CCDC42: variants seen among roughly 807,000 people sequenced by gnomAD.
The protein encoded by CCDC42 is coiled-coil domain containing 42.
A neutral mutation model predicts 40.8 loss-of-function variants in CCDC42; 38 were observed. The ratio of observed to expected loss-of-function variants is 0.93; its 90% CI spans 0.72 to 1.22. CCDC42 has a LOEUF of 1.22. Ranked by LOEUF, CCDC42 falls within the 50% of genes most tolerant of loss-of-function variation. The pLI, the probability that CCDC42 is intolerant of heterozygous loss-of-function variation, is 0.00. For missense variants in CCDC42, 379 were observed against 416.5 expected, an observed-to-expected ratio of 0.91 and a Z score of 0.78; for synonymous variants, 135 against 157.5, an observed-to-expected ratio of 0.86 and a Z score of 1.07.
intron 6 of CCDC42, among the ~76,000 whole-genome samples, chr17:8,733,893 T>C (rs370696057): frequency 1.3e-5 from 2 of 152,192 alleles, no homozygotes; most frequent in Admixed American, 1.3e-4. Context: ...TGAGACCCTA[T>C]TGTGGGTCAT....
rs531785716 is a variant in CCDC42 at position 8,730,121 on chromosome 17, G to A, written c.*9C>T. The A allele has an allele frequency of 1.2e-6, 2 of 1,612,664 alleles. No individual in the cohort carries two copies. Among genetic ancestry groups the A allele is most frequent in the East Asian group, 2.2e-5 (1 of 44,860 alleles). On this transcript the variant is annotated 3_prime_UTR_variant, in exon 7 of 7. Transcript: ENST00000293845. ...CTGTCTCAGGACATTCTGGAACAAG[G>A]CTGCCTCCTTAAATCCGGACTCGCT...
rs1160304281 is a variant in CCDC42, at chr17:8,744,723, A to G, written c.-114T>C. ...GCACTCTTGTTTCTCCCTTCGGCCT[A>G]CAGGGTCCCACAGATGATGGAGTTT... On this transcript the variant is annotated 5_prime_UTR_variant, in exon 1 of 7. Coordinates refer to ENST00000293845, the MANE Select transcript of CCDC42 (RefSeq NM_144681.3). 6 of 713,544 alleles carry G rather than the reference A, an allele frequency of 8.4e-6. No individual in the cohort carries two copies. The highest frequency in any genetic ancestry group is 1.5e-5 in the Non-Finnish European group (6 of 402,602). The allele number at this position is 713,544 out of a possible 1,614,324, so 44.2% of individuals were successfully genotyped here. A position where few individuals can be genotyped will look rare whatever the true frequency, so the allele number is the denominator to read the frequency against.
At chr17:8,730,433 G>A (rs1444339960) in intron 6 of CCDC42, among the ~76,000 whole-genome samples, 2 of 152,198 alleles carry the variant, frequency 1.3e-5, no homozygotes, top group Non-Finnish European at 2.9e-5. Flanking sequence ...TCCGCTTCCT[G>A]GGTTTAAGCA....
chr17:8,731,293 A>G lies in CCDC42; in HGVS notation c.874-1086T>C, dbSNP rs143549330. On this transcript the variant is annotated intron_variant, in intron 6 of 6. Coordinates refer to ENST00000293845, the MANE Select transcript of CCDC42 (RefSeq NM_144681.3). The stretch of plus-strand genomic sequence containing the variant: ...AGGTTGTGGAGAAAAGGGAACGTTC[A>G]TACACCGTTGGTGGAAGTGCAAATT... 3.2e-3 allele frequency among the ~76,000 whole-genome samples: 488 copies of G among 152,350 alleles called. 3 individuals carry two copies. Among genetic ancestry groups the G allele is most frequent in the African/African-American group, 0.011 (455 of 41,584 alleles).
chr17:8,734,811 G>C (rs977766447), intron 6 of CCDC42, among the ~76,000 whole-genome samples: 2 of 152,150 alleles, frequency 1.3e-5, no homozygotes, highest in Non-Finnish European at 2.9e-5. Flanking sequence ...AAAGGGTTTC[G>C]GTGCTAATGC....
At position 8,730,051 on chromosome 17, in the gene CCDC42, T is replaced by C. The variant is rs1335795238; in HGVS notation, c.*79A>G. The C allele has an allele frequency of 4.5e-6, 6 of 1,335,698 alleles. No individual in the cohort carries two copies. The East Asian group carries it at 1.4e-4, about 31-fold the overall frequency. The allele number at this position is 1,335,698 out of a possible 1,614,324, so 82.7% of individuals were successfully genotyped here. The stretch of plus-strand genomic sequence containing the variant: ...GGCACAGCAGGCATCGGTCCCGAGC[T>C]GGACTGACTGGACCGCAGGCTCACG... On this transcript the variant is annotated 3_prime_UTR_variant, in exon 7 of 7. Coordinates refer to ENST00000293845, the MANE Select transcript of CCDC42 (RefSeq NM_144681.3).
chr17:8,738,127 A>T (rs2086622623), intron 4 of CCDC42, among the ~76,000 whole-genome samples: 1 of 152,176 alleles, frequency 6.6e-6, no homozygotes. Flanking sequence ...CGCTTGACCC[A>T]TTTTGTGCAA....
rs191397695 is a variant in CCDC42, at chr17:8,743,106, G to C, written c.294+520C>G. On this transcript the variant is annotated intron_variant, in intron 3 of 6. Coordinates refer to ENST00000293845, the MANE Select transcript of CCDC42 (RefSeq NM_144681.3). ...GCTGCGTAAGTGCTACCTGGAGTGG[G>C]TCTGGATAAATCTGGATTTTTAAGA... is the stretch of plus-strand genomic sequence containing the variant. 2.6e-4 allele frequency among the ~76,000 whole-genome samples: 40 copies of C among 152,326 alleles called. No homozygotes were observed. The East Asian group carries it at 7.5e-3, about 29-fold the overall frequency.
At chr17:8,737,041 A>G (rs77633292) in intron 4 of CCDC42, among the ~76,000 whole-genome samples, 12,490 of 143,020 alleles carry the variant, frequency 0.087, 920 homozygotes, top group East Asian at 0.18. Flanking sequence ...GGGAGGGAGG[A>G]AGGAAGGGAA....
At chr17:8,732,083 G>A (rs1018653663) in intron 6 of CCDC42, among the ~76,000 whole-genome samples, 2 of 151,978 alleles carry the variant, frequency 1.3e-5, no homozygotes, top group Admixed American at 6.6e-5. Context: ...GGCGGATCAC[G>A]AGGTCAGGAG....
At chr17:8,731,980 C>G (rs1399585637) in intron 6 of CCDC42, among the ~76,000 whole-genome samples, 2 of 151,962 alleles carry the variant, frequency 1.3e-5, no homozygotes, top group Non-Finnish European at 1.5e-5. Flanking sequence ...CTGACTAACA[C>G]AGTGAAACCC....
chr17:8,740,489 C>CAAAA lies in CCDC42; in HGVS notation c.492+981_492+984dup, dbSNP rs750740758. Among the ~76,000 whole-genome samples the CAAAA allele has an allele frequency of 9.9e-3, 579 of 58,778 alleles. 9 individuals are homozygous for CAAAA. The highest frequency in any genetic ancestry group is 0.038 in the African/African-American group (555 of 14,650). 38.6% of individuals were successfully genotyped at this position (58,778 alleles called of 152,430 possible). A position where few individuals can be genotyped will look rare whatever the true frequency, so the allele number is the denominator to read the frequency against. ...GGGCAACAAAAGTGAAACTCCGTCT[C>CAAAA]AAAAAAAAAAAAAAAAAAAAAAGTG... On this transcript the variant is annotated intron_variant, in intron 4 of 6. Coordinates refer to ENST00000293845, the MANE Select transcript of CCDC42 (RefSeq NM_144681.3).
At chr17:8,741,403 C>T (rs2086642553) in intron 4 of CCDC42, 71 bp downstream of exon 4, 1 of 1,482,564 alleles carries the variant, frequency 6.7e-7, no homozygotes, top group Non-Finnish European at 9.4e-7. Context: ...ATCCCATGGC[C>T]CCAGGCCCCG....
intron 6 of CCDC42, among the ~76,000 whole-genome samples, chr17:8,731,615 G>A (rs1428676732): frequency 6.6e-6 from 1 of 152,332 alleles, no homozygotes; most frequent in East Asian, 1.9e-4. Flanking sequence ...ATGGATGGAG[G>A]TGGAGGTCAC....
Position 8,735,047 on chromosome 17 carries a change from C to T in CCDC42, c.873+49G>A, listed in dbSNP as rs557410305. On this transcript the variant is annotated intron_variant, in intron 6 of 6. Transcript: ENST00000293845. This position sits in a 1 kb window ranked among gnomAD's most constrained non-coding sequence, Gnocchi z 4.7. The stretch of plus-strand genomic sequence containing the variant: ...CTTCCACCCAACCAACTGGCAACCT[C>T]CTCGGCCCAGCCGACCCCACGGGCC... The T allele has an allele frequency of 3.1e-6, 5 of 1,606,384 alleles. No individual in the cohort carries two copies. In the South Asian group the frequency reaches 5.5e-5, roughly 18 times the overall value.
intron 6 of CCDC42, among the ~76,000 whole-genome samples, chr17:8,733,265 A>T (rs1373269923): frequency 1.3e-5 from 2 of 152,168 alleles, no homozygotes; most frequent in Non-Finnish European, 2.9e-5. Context: ...CAGGTCCTTA[A>T]GTTTAAATCT....
At position 8,738,686 on chromosome 17, in the gene CCDC42, G is replaced by C. The variant is rs367947476; in HGVS notation, c.492+2788C>G. 2.7e-3 allele frequency among the ~76,000 whole-genome samples: 408 copies of C among 152,210 alleles called. 5 individuals are homozygous for C. Among genetic ancestry groups the C allele is most frequent in the African/African-American group, 9.0e-3 (372 of 41,534 alleles). On this transcript the variant is annotated intron_variant, in intron 4 of 6. Transcript: ENST00000293845. ...TCACCGTGTTGGCCAGGGTGGTCTCGAACTCCTGACCTCGTGATCTGCCCA... is the reference window on the plus strand; with the variant it reads ...TCACCGTGTTGGCCAGGGTGGTCTCCAACTCCTGACCTCGTGATCTGCCCA...
intron 4 of CCDC42, among the ~76,000 whole-genome samples, chr17:8,740,306 T>G (rs1038028799): frequency 1.3e-5 from 2 of 151,746 alleles, no homozygotes; most frequent in African/African-American, 2.4e-5. Flanking sequence ...CTGACCAACA[T>G]GGTGAAACCC....
At position 8,735,037 on chromosome 17, in the gene CCDC42, C is replaced by A; in HGVS notation, c.873+59G>T. Reference sequence around the variant, plus strand: ...CAGGTTCATTCTTCCACCCAACCAACTGGCAACCTCCTCGGCCCAGCCGAC... The same window carrying A: ...CAGGTTCATTCTTCCACCCAACCAAATGGCAACCTCCTCGGCCCAGCCGAC... On this transcript the variant is annotated intron_variant, in intron 6 of 6. Transcript: ENST00000293845. The surrounding 1 kb of genome is among the most constrained non-coding windows in gnomAD (Gnocchi z 4.7). 6.3e-7 allele frequency: 1 copy of A among 1,591,322 alleles called. No homozygotes were observed. Among genetic ancestry groups the A allele is most frequent in the South Asian group, 1.1e-5 (1 of 89,828 alleles).
Sources: allele counts gnomAD v4.1 joint callset (sites outside exome capture counted in the v4.1 genomes callset), GRCh38; gene constraint gnomAD v4.1.1; non-coding constraint Gnocchi (gnomAD v3.1); transcripts MANE v1.5; gene names NCBI Gene and HGNC (gene_info 2026-07-23, HGNC 2026-07-21).